The following SHOC2 variants were observed in gnomAD, a reference collection of about 807,000 sequenced individuals.
SHOC2 encodes SHOC2 leucine rich repeat scaffold protein.
In SHOC2, 4 loss-of-function variants were observed where a neutral mutation model predicts 50.2. The ratio of observed to expected loss-of-function variants is 0.08; its 90% CI spans 0.04 to 0.18. SHOC2 has a LOEUF of 0.18. SHOC2 is among the 10% of genes least tolerant of loss of function. The pLI, the probability that SHOC2 is intolerant of heterozygous loss-of-function variation, is 1.00. For synonymous variants in SHOC2, 218 were observed against 244.5 expected, an observed-to-expected ratio of 0.89 and a Z score of 1.01; for missense variants, 388 against 669.6, an observed-to-expected ratio of 0.58 and a Z score of 4.64.
chr10:110,943,621 G>T (rs1280936612), intron 1 of SHOC2, among the ~76,000 whole-genome samples: 3 of 152,166 alleles, frequency 2.0e-5, no homozygotes, highest in African/African-American at 7.2e-5. Context: ...GTGAGCCTGT[G>T]TCTTCAACTC....
At chr10:110,975,962 G>A (rs986362779) in intron 2 of SHOC2, among the ~76,000 whole-genome samples, 10 of 151,872 alleles carry the variant, frequency 6.6e-5, no homozygotes, top group Non-Finnish European at 1.5e-4. Context: ...CAAGGCTGGA[G>A]TGCAATGGCG....
chr10:110,995,077 A>G (rs1222706741), intron 3 of SHOC2, among the ~76,000 whole-genome samples: 1 of 152,222 alleles, frequency 6.6e-6, no homozygotes, highest in Non-Finnish European at 1.5e-5. Flanking sequence ...TGGGCCTTTC[A>G]TATAATTTTT....
intron 2 of SHOC2, among the ~76,000 whole-genome samples, chr10:110,973,245 T>C (rs531077634): frequency 2.0e-5 from 3 of 152,286 alleles, no homozygotes. Flanking sequence ...ACTCTGAATA[T>C]TTGAAAAATA....
At chr10:111,011,558 T>A in intron 8 of SHOC2, 52 bp from the exon 9 acceptor site, 1 of 1,362,150 alleles carries the variant, frequency 7.3e-7, no homozygotes, top group Non-Finnish European at 1.0e-6. Flanking sequence ...CCAGTTGAAC[T>A]TTTAAAATAG....
intron 2 of SHOC2, among the ~76,000 whole-genome samples, chr10:110,978,221 C>A (rs1847911669): frequency 6.6e-6 from 1 of 152,314 alleles, no homozygotes; most frequent in East Asian, 1.9e-4. Flanking sequence ...TGTCTGCAGT[C>A]TGCAAACCAT....
chr10:110,942,333 A>G (rs1165458623), intron 1 of SHOC2, among the ~76,000 whole-genome samples: 1 of 152,078 alleles, frequency 6.6e-6, no homozygotes, highest in East Asian at 1.9e-4. Context: ...CTGGCAACAA[A>G]TATTCTGTTA....
intron 1 of SHOC2, among the ~76,000 whole-genome samples, chr10:110,942,287 A>G (rs1590787684): frequency 6.6e-6 from 1 of 152,192 alleles, no homozygotes; most frequent in Non-Finnish European, 1.5e-5. Context: ...CATGCTTTCT[A>G]AAGTTCTAAT....
intron 2 of SHOC2, among the ~76,000 whole-genome samples, chr10:110,981,032 C>G (rs2134142416): frequency 6.6e-6 from 1 of 152,212 alleles, no homozygotes; most frequent in South Asian, 2.1e-4. Flanking sequence ...TGTTGAATCT[C>G]TAGTAGGTGC....
At chr10:110,971,722 T>C (rs774845566) in intron 2 of SHOC2, among the ~76,000 whole-genome samples, 10 of 152,124 alleles carry the variant, frequency 6.6e-5, no homozygotes, top group Non-Finnish European at 1.3e-4. Flanking sequence ...ATTTCTTTCA[T>C]TGTTTTACAG....
At chr10:110,983,328 A>G (rs564025568) in intron 2 of SHOC2, among the ~76,000 whole-genome samples, 28 of 151,400 alleles carry the variant, frequency 1.8e-4, no homozygotes, top group South Asian at 4.2e-4. Context: ...ATTGATTTAT[A>G]CTCTTATTTT....
At chr10:111,009,500 G>A (rs1590839278) in intron 7 of SHOC2, 115 bp downstream of exon 7, 1 of 974,668 alleles carries the variant, frequency 1.0e-6, no homozygotes. Context: ...TCCTATTCTA[G>A]TATTAGGGCT....
chr10:110,983,304 C>CT (rs1474932465), intron 2 of SHOC2, among the ~76,000 whole-genome samples: 4 of 151,762 alleles, frequency 2.6e-5, no homozygotes, highest in Non-Finnish European at 5.9e-5. Flanking sequence ...TATTCTCTTC[C>CT]TTTTTTCATT....
chr10:110,966,107 C>T (rs1297287786), intron 2 of SHOC2, among the ~76,000 whole-genome samples: 1 of 151,912 alleles, frequency 6.6e-6, no homozygotes, highest in African/African-American at 2.4e-5. Flanking sequence ...ATATGATATT[C>T]TGTGGGTGTT....
intron 1 of SHOC2, among the ~76,000 whole-genome samples, chr10:110,928,723 C>T (rs572029798): frequency 9.5e-4 from 145 of 152,050 alleles, no homozygotes; most frequent in African/African-American, 3.3e-3. Context: ...GGTGAAACCC[C>T]GTCTCTACCA....
At chr10:110,988,427 C>T (rs1440367697) in intron 3 of SHOC2, among the ~76,000 whole-genome samples, 1 of 152,060 alleles carries the variant, frequency 6.6e-6, no homozygotes, top group Admixed American at 6.5e-5. Context: ...CAAACTTGGT[C>T]ATATGGGTCT....
chr10:110,946,048 T>C (rs1847240345), intron 1 of SHOC2, among the ~76,000 whole-genome samples: 1 of 152,094 alleles, frequency 6.6e-6, no homozygotes, highest in African/African-American at 2.4e-5. Flanking sequence ...CTTTGTGGGA[T>C]TGTCCTTTTC....
At chr10:110,959,065 C>A (rs1480710093) in intron 1 of SHOC2, among the ~76,000 whole-genome samples, 1 of 151,928 alleles carries the variant, frequency 6.6e-6, no homozygotes, top group African/African-American at 2.4e-5. Flanking sequence ...TATGTAAATG[C>A]TTAGGCACAA....
chr10:110,921,047 G>T (rs547503085), intron 1 of SHOC2, among the ~76,000 whole-genome samples: 2 of 152,304 alleles, frequency 1.3e-5, no homozygotes, highest in East Asian at 3.9e-4. Flanking sequence ...TAATTTTAAA[G>T]ACCTCAATTT....
intron 2 of SHOC2, among the ~76,000 whole-genome samples, chr10:110,982,867 T>C (rs1172810198): frequency 6.6e-6 from 1 of 152,164 alleles, no homozygotes; most frequent in East Asian, 1.9e-4. Flanking sequence ...TTTGAAATTG[T>C]TTCCTCTATT....
Sources: allele counts gnomAD v4.1 joint callset (sites outside exome capture counted in the v4.1 genomes callset), GRCh38; gene constraint gnomAD v4.1.1; transcripts MANE v1.5; gene names NCBI Gene and HGNC (gene_info 2026-07-23, HGNC 2026-07-21).